DOCK5: variants seen among roughly 807,000 people sequenced by gnomAD.
DOCK5 encodes the protein dedicator of cytokinesis protein 5.
DOCK5 carries 142 observed loss-of-function variants against 251.8 expected under a neutral mutation model. The observed-to-expected ratio is 0.56, with a 90% CI of 0.49 to 0.65. The LOEUF (loss-of-function observed/expected upper bound fraction) is 0.65. Among genes scored for constraint, DOCK5 ranks in the 30% least tolerant of loss-of-function variants. DOCK5 has a pLI of 0.00. For missense variants in DOCK5, 2,111 were observed against 2,312.3 expected, an observed-to-expected ratio of 0.91 and a Z score of 1.79; for synonymous variants, 842 against 835.5, an observed-to-expected ratio of 1.01 and a Z score of -0.13.
rs765536371 is a variant in DOCK5, at chr8:25,299,021, C to G, written c.684C>G (p.Phe228Leu). The change falls in exon 8 of 52, where the codon TTC (phenylalanine) becomes TTG (leucine). Residue 228 changes from phenylalanine (F) to leucine (L), a missense_variant. Physicochemically the swap from Phe to Leu is conservative, Grantham distance 22. This residue lies in a region of DOCK5 where 335 missense variants were observed against 324.9 expected (regional missense o/e 1.03). Coordinates refer to ENST00000276440, the MANE Select transcript of DOCK5 (RefSeq NM_024940.8). ...ACACCTATGGCCTCTATGTGAACTTCAAGAACTTTGTCTGCAACATCGGGG... is the reference window on the plus strand; with the variant it reads ...ACACCTATGGCCTCTATGTGAACTTGAAGAACTTTGTCTGCAACATCGGGG... Reference protein sequence around the residue: ...TIHTYGLYVNFKNFVCNIGED... With the variant: ...TIHTYGLYVNLKNFVCNIGED... The G allele has an allele frequency of 1.2e-6, 2 of 1,613,920 alleles. No homozygotes were observed. Among genetic ancestry groups the G allele is most frequent in the South Asian group, 2.2e-5 (2 of 91,070 alleles).
intron 2 of DOCK5, among the ~76,000 whole-genome samples, chr8:25,264,844 C>CA (rs1049545803): frequency 7.8e-5 from 11 of 140,606 alleles, no homozygotes; most frequent in Non-Finnish European, 1.4e-4. Flanking sequence ...AAAACAACAA[C>CA]AACAAAAAAA....
rs752729959 is a variant in DOCK5 at position 25,380,404 on chromosome 8, G to A, written c.4026+10G>A. ...CCTTGGCAACCTCCTGGTGAGTCTG[G>A]GTCAAAATATGTTAGGCCTCTGACA... On this transcript the variant is annotated intron_variant, in intron 39 of 51. Transcript: ENST00000276440. 26 of 1,600,026 alleles carry A rather than the reference G, an allele frequency of 1.6e-5. No homozygotes were observed. Among genetic ancestry groups the A allele is most frequent in the Middle Eastern group, 3.3e-4 (2 of 6,058 alleles).
chr8:25,332,804 ATC>A (rs964828242), intron 20 of DOCK5, 112 bp downstream of exon 20: 3 of 787,324 alleles, frequency 3.8e-6, no homozygotes, highest in Non-Finnish European at 5.8e-6. Flanking sequence ...ATTTGTTTAC[ATC>A]TCTCTGGTTA....
chr8:25,204,924 T>C (rs1264679017), intron 1 of DOCK5, among the ~76,000 whole-genome samples: 1 of 152,174 alleles, frequency 6.6e-6, no homozygotes, highest in East Asian at 1.9e-4. Context: ...ATTCCTATGT[T>C]GAAGCCTCAG....
chr8:25,362,471 T>C (rs1800703815), intron 28 of DOCK5, among the ~76,000 whole-genome samples: 1 of 140,654 alleles, frequency 7.1e-6, no homozygotes, highest in African/African-American at 2.7e-5. Context: ...TCTTTTTTTT[T>C]TTTTTTTTTT....
chr8:25,252,903 C>T (rs1461426603), intron 2 of DOCK5, among the ~76,000 whole-genome samples: 1 of 152,174 alleles, frequency 6.6e-6, no homozygotes, highest in Non-Finnish European at 1.5e-5. Context: ...GCAATCTTGG[C>T]TCACTACAAC....
intron 1 of DOCK5, among the ~76,000 whole-genome samples, chr8:25,242,007 G>A (rs530005339): frequency 6.6e-6 from 1 of 151,424 alleles, no homozygotes; most frequent in South Asian, 2.1e-4. Flanking sequence ...CTTTTGGGGG[G>A]TGGGGGTCTA....
chr8:25,241,620 A>G (rs1802947418), intron 1 of DOCK5, among the ~76,000 whole-genome samples: 1 of 152,208 alleles, frequency 6.6e-6, no homozygotes, highest in African/African-American at 2.4e-5. Flanking sequence ...TAGAACCACA[A>G]ATACCATTTG....
intron 1 of DOCK5, among the ~76,000 whole-genome samples, chr8:25,197,545 A>C (rs1801759078): frequency 6.8e-6 from 1 of 146,130 alleles, no homozygotes; most frequent in South Asian, 2.2e-4. Context: ...GACCCCAAAG[A>C]TGCCCTCTCT....
At chr8:25,377,448 C>T (rs1269738831) in intron 38 of DOCK5, 24 bp downstream of exon 38, 2 of 1,608,186 alleles carry the variant, frequency 1.2e-6, no homozygotes, top group Non-Finnish European at 8.5e-7. Flanking sequence ...TGTTTTTGTA[C>T]TAGGGGAAAG....
chr8:25,406,868 C>A lies in DOCK5; in HGVS notation c.5094-1115C>A, dbSNP rs535446660. Among the ~76,000 whole-genome samples the A allele has an allele frequency of 2.6e-5, 4 of 152,124 alleles. No homozygotes were observed. In the South Asian group the frequency reaches 8.3e-4, roughly 32 times the overall value. On this transcript the variant is annotated intron_variant, in intron 48 of 51. Transcript: ENST00000276440. ...GTCTCTAACTCCTGACCTCATGATC[C>A]GCCCACCTCGGCCTCTCAAAGTGCT...
At chr8:25,210,042 G>A (rs565238467) in intron 1 of DOCK5, among the ~76,000 whole-genome samples, 5,376 of 25,242 alleles carry the variant, frequency 0.21, 1,935 homozygotes, top group African/African-American at 0.43. Context: ...ATAAATGTGT[G>A]TGTGTGTGTG....
chr8:25,203,498 C>T (rs1461258867), intron 1 of DOCK5, among the ~76,000 whole-genome samples: 4 of 152,096 alleles, frequency 2.6e-5, no homozygotes, highest in Admixed American at 1.3e-4. Flanking sequence ...ATTTTGAATC[C>T]GTCTTATATT....
intron 48 of DOCK5, among the ~76,000 whole-genome samples, chr8:25,407,174 T>C (rs932465896): frequency 6.6e-6 from 1 of 152,152 alleles, no homozygotes; most frequent in Non-Finnish European, 1.5e-5. Flanking sequence ...AGCTTTCTTA[T>C]TAGGATGCAT....
At chr8:25,194,073 G>A (rs1345560193) in intron 1 of DOCK5, among the ~76,000 whole-genome samples, 2 of 150,822 alleles carry the variant, frequency 1.3e-5, no homozygotes, top group East Asian at 2.0e-4. Context: ...ATCACCTGAG[G>A]TCAGAAGTTC....
At chr8:25,378,697 T>C (rs1402704093) in intron 38 of DOCK5, among the ~76,000 whole-genome samples, 1 of 152,216 alleles carries the variant, frequency 6.6e-6, no homozygotes, top group Non-Finnish European at 1.5e-5. Flanking sequence ...GTAACTTACA[T>C]GGTTATACAT....
chr8:25,336,855 C>T (rs984936355), intron 22 of DOCK5, among the ~76,000 whole-genome samples: 22 of 152,126 alleles, frequency 1.4e-4, no homozygotes, highest in African/African-American at 4.6e-4. Flanking sequence ...ACAGAAGAAA[C>T]TGCAAAAGAG....
At chr8:25,250,411 G>A (rs552929331) in intron 2 of DOCK5, among the ~76,000 whole-genome samples, 2 of 152,256 alleles carry the variant, frequency 1.3e-5, no homozygotes, top group East Asian at 3.9e-4. Context: ...TTCATCTTTG[G>A]CACTGGCTTG....
At position 25,325,290 on chromosome 8, in the gene DOCK5, T is replaced by C; in HGVS notation, c.1720-74T>C. On this transcript the variant is annotated intron_variant, in intron 17 of 51. Transcript: ENST00000276440. Reference sequence around the variant, plus strand: ...CCACGCTTCTCATGCTGAAAATGCATGATAGAAATTGTTTTTATTTGCATA... The same window carrying C: ...CCACGCTTCTCATGCTGAAAATGCACGATAGAAATTGTTTTTATTTGCATA... The C allele has an allele frequency of 5.4e-6, 8 of 1,493,716 alleles. No homozygotes were observed. In the East Asian group the frequency reaches 1.8e-4, roughly 34 times the overall value. The allele number at this position is 1,493,716 out of a possible 1,614,324, so 92.5% of individuals were successfully genotyped here. A position where few individuals can be genotyped will look rare whatever the true frequency, so the allele number is the denominator to read the frequency against.
Sources: gnomAD v4.1 joint callset for allele counts (sites outside exome capture counted in the v4.1 genomes callset) on GRCh38, gnomAD v4.1.1 for gene constraint, gnomAD v4.1.1 regional missense constraint, MANE v1.5 for transcripts, NCBI Gene and HGNC (gene_info 2026-07-23, HGNC 2026-07-21) for gene names.